Variants in STIM2 observed in about 807,000 individuals in gnomAD.
The protein encoded by STIM2 is stromal interaction molecule 2.
STIM2 carries 31 observed loss-of-function variants against 85.8 expected under a neutral mutation model. The ratio of observed to expected loss-of-function variants is 0.36; its 90% CI spans 0.27 to 0.49. The LOEUF (loss-of-function observed/expected upper bound fraction) is 0.49, where lower values mean the gene tolerates loss of function less well. Among genes scored for constraint, STIM2 ranks in the 20% least tolerant of loss-of-function variants. STIM2 has a pLI of 0.98. For synonymous variants in STIM2, 356 were observed against 331.1 expected (o/e 1.08, Z -0.82); for missense variants, 841 against 927.6 (o/e 0.91, Z 1.21).
Position 27,017,843 on chromosome 4 carries a change from C to T in STIM2, c.1622C>T (p.Pro541Leu), listed in dbSNP as rs766389217. Reference sequence around the variant, plus strand: ...CCACACGCCCCCCACCCGTCACACCCTCGGCACCCTCACCACCCGCAACAC... The same window carrying T: ...CCACACGCCCCCCACCCGTCACACCTTCGGCACCCTCACCACCCGCAACAC... The change falls in exon 11 of 12, where the codon CCT becomes CTT. Residue 541 changes from proline (P) to leucine (L), a missense_variant. This residue lies in a region of STIM2 where 293 missense variants were observed against 284.5 expected (regional missense o/e 1.03). Transcript: ENST00000467087. 12 of 1,614,182 alleles carry T rather than the reference C, an allele frequency of 7.4e-6. No homozygotes were observed. In the Admixed American group the frequency reaches 2.0e-4, roughly 27 times the overall value.
chr4:26,953,445 G>A (rs1188225282), intron 2 of STIM2, among the ~76,000 whole-genome samples: 4 of 151,966 alleles, frequency 2.6e-5, no homozygotes, highest in African/African-American at 9.7e-5. Flanking sequence ...AGAAAAATGG[G>A]GCTAATGAGC....
At chr4:26,967,514 G>C (rs1000662170) in intron 3 of STIM2, among the ~76,000 whole-genome samples, 12 of 152,186 alleles carry the variant, frequency 7.9e-5, no homozygotes, top group African/African-American at 2.7e-4. Flanking sequence ...AGGGCGCATA[G>C]ACTTGCCATA....
At chr4:27,016,287 T>C (rs1728727977) in intron 10 of STIM2, among the ~76,000 whole-genome samples, 1 of 152,236 alleles carries the variant, frequency 6.6e-6, no homozygotes, top group Non-Finnish European at 1.5e-5. Flanking sequence ...ATATTCTTGG[T>C]CAATTGTTAC....
At chr4:27,021,049 A>G in intron 11 of STIM2, 1 of 1,536,680 alleles carries the variant, frequency 6.5e-7, no homozygotes, top group Non-Finnish European at 8.7e-7. Context: ...ACTAAGTAGT[A>G]AAGCTCTCAA....
At chr4:27,004,703 T>C (rs1728274952) in intron 7 of STIM2, among the ~76,000 whole-genome samples, 1 of 152,174 alleles carries the variant, frequency 6.6e-6, no homozygotes, top group African/African-American at 2.4e-5. Context: ...ACCCCGAAGT[T>C]ACCAAAATGT....
At chr4:27,015,527 C>A (rs899032327) in intron 10 of STIM2, among the ~76,000 whole-genome samples, 2 of 151,748 alleles carry the variant, frequency 1.3e-5, no homozygotes, top group African/African-American at 4.8e-5. Flanking sequence ...TTAGTCTTTG[C>A]CTGAAAATAC....
intron 3 of STIM2, among the ~76,000 whole-genome samples, chr4:26,984,785 TA>T (rs1287897363): frequency 6.6e-6 from 1 of 152,196 alleles, no homozygotes; most frequent in Non-Finnish European, 1.5e-5. Flanking sequence ...GGAAAGGTAA[TA>T]AAGCCTTCCC....
At chr4:26,864,682 T>C (rs1028626554) in intron 1 of STIM2, among the ~76,000 whole-genome samples, 1 of 152,134 alleles carries the variant, frequency 6.6e-6, no homozygotes, top group African/African-American at 2.4e-5. Flanking sequence ...ATTTGGCATG[T>C]TATTAGAAAT....
At chr4:27,001,318 G>T (rs1159246310) in intron 5 of STIM2, among the ~76,000 whole-genome samples, 1 of 152,174 alleles carries the variant, frequency 6.6e-6, no homozygotes, top group Non-Finnish European at 1.5e-5. Flanking sequence ...GCTAAATCAG[G>T]AAATCTGAAT....
intron 2 of STIM2, among the ~76,000 whole-genome samples, chr4:26,933,839 A>G (rs375738210): frequency 1.4e-4 from 22 of 152,240 alleles, no homozygotes; most frequent in African/African-American, 4.8e-4. Context: ...GTATGGATAC[A>G]TATATAACAT....
At chr4:26,978,718 C>T (rs1425476287) in intron 3 of STIM2, among the ~76,000 whole-genome samples, 1 of 152,172 alleles carries the variant, frequency 6.6e-6, no homozygotes, top group Non-Finnish European at 1.5e-5. Flanking sequence ...CCCCATCTGC[C>T]TACTCCGGGT....
intron 1 of STIM2, among the ~76,000 whole-genome samples, chr4:26,868,609 C>T (rs984007427): frequency 6.6e-6 from 1 of 152,080 alleles, no homozygotes; most frequent in African/African-American, 2.4e-5. Context: ...TTTTTAAACC[C>T]TTGTTTGAAG....
chr4:26,919,676 A>G, intron 2 of STIM2, 42 bp downstream of exon 2: 1 of 1,596,478 alleles, frequency 6.3e-7, no homozygotes, highest in Non-Finnish European at 8.5e-7. Flanking sequence ...CTTAGAACAG[A>G]ATGACTGCAT....
chr4:26,861,901 G>C (rs990984421), intron 1 of STIM2, among the ~76,000 whole-genome samples: 1 of 152,122 alleles, frequency 6.6e-6, no homozygotes, highest in Non-Finnish European at 1.5e-5. Context: ...TAGTGGTTCC[G>C]TGTTAGTATG....
intron 1 of STIM2, among the ~76,000 whole-genome samples, chr4:26,896,192 G>A (rs1006358192): frequency 3.3e-5 from 5 of 152,168 alleles, no homozygotes; most frequent in African/African-American, 9.7e-5. Context: ...GGTAGTTTGC[G>A]CCTTCCAGGC....
Position 26,999,215 on chromosome 4 carries a change from G to A in STIM2, c.510-17G>A. ...TTAATATATATATATATGTGTGTGT[G>A]TTTTTCAAATAAACAGGATAGCAGT... On this transcript the variant is annotated splice_polypyrimidine_tract_variant and intron_variant, in intron 4 of 11. Coordinates refer to ENST00000467087, the MANE Select transcript of STIM2 (RefSeq NM_020860.4). 1 of 1,382,208 alleles carries A rather than the reference G, an allele frequency of 7.2e-7. No homozygotes were observed. The highest frequency in any genetic ancestry group is 1.8e-4 in the Middle Eastern group (1 of 5,464). The allele number at this position is 1,382,208 out of a possible 1,614,324, so 85.6% of individuals were successfully genotyped here.
intron 2 of STIM2, among the ~76,000 whole-genome samples, chr4:26,928,385 G>A (rs939396434): frequency 2.0e-5 from 3 of 152,168 alleles, no homozygotes; most frequent in African/African-American, 7.2e-5. Flanking sequence ...GGAAAGAGCA[G>A]TTAAAATTGT....
rs375056665 is a variant in STIM2 at position 27,001,310 on chromosome 4, T to C, written c.626-907T>C. On this transcript the variant is annotated intron_variant, in intron 5 of 11. Coordinates refer to ENST00000467087, the MANE Select transcript of STIM2 (RefSeq NM_020860.4). ...GAAAATTAGTGTGTACTGACTGGGC[T>C]AAATCAGGAAATCTGAATAGTGATT... Among the ~76,000 whole-genome samples the C allele has an allele frequency of 2.6e-5, 4 of 152,336 alleles. No individual in the cohort carries two copies. In the East Asian group the frequency reaches 7.7e-4, roughly 29 times the overall value.
At position 27,023,860 on chromosome 4, in the gene STIM2, A is replaced by G. The variant is rs1339001437; in HGVS notation, c.*864A>G. The G allele has an allele frequency of 6.6e-6, 1 of 152,640 alleles. No individual in the cohort carries two copies. The highest frequency in any genetic ancestry group is 2.4e-5 in the African/African-American group (1 of 41,468). The allele number at this position is 152,640 out of a possible 1,614,324, so 9.5% of individuals were successfully genotyped here. A position where few individuals can be genotyped will look rare whatever the true frequency, so the allele number is the denominator to read the frequency against. On this transcript the variant is annotated 3_prime_UTR_variant, in exon 12 of 12. Transcript: ENST00000467087. ...CAACCTTAAGCCGAGGTGGGGGGAT[A>G]TGGGGATTCAGGCAATTGTTTACAC...
Sources: gnomAD v4.1 joint callset for allele counts (sites outside exome capture counted in the v4.1 genomes callset) on GRCh38, gnomAD v4.1.1 for gene constraint, gnomAD v4.1.1 regional missense constraint, MANE v1.5 for transcripts, NCBI Gene and HGNC (gene_info 2026-07-23, HGNC 2026-07-21) for gene names.